The following KCNMB2 variants were observed in gnomAD, a reference collection of about 807,000 sequenced individuals.
The protein encoded by KCNMB2 is potassium calcium-activated channel subfamily M regulatory beta subunit 2.
Under a neutral mutation model 24.5 loss-of-function variants are expected in KCNMB2, and 9 were observed. That is an observed-to-expected ratio of 0.37 (90% CI 0.22 to 0.64). The LOEUF (loss-of-function observed/expected upper bound fraction) is 0.64. Among genes scored for constraint, KCNMB2 ranks in the 30% least tolerant of loss-of-function variants. The pLI, the probability that KCNMB2 is intolerant of heterozygous loss-of-function variation, is 0.63. For missense variants in KCNMB2, 226 were observed against 284.3 expected, an observed-to-expected ratio of 0.79 and a Z score of 1.47; for synonymous variants, 109 against 104.4, an observed-to-expected ratio of 1.04 and a Z score of -0.27.
At chr3:178,701,420 G>A (rs2108340493) in intron 1 of KCNMB2, among the ~76,000 whole-genome samples, 1 of 152,278 alleles carries the variant, frequency 6.6e-6, no homozygotes, top group Non-Finnish European at 1.5e-5. Flanking sequence ...CTTTGGCTTA[G>A]GATTGACTTG....
chr3:178,567,224 A>T (rs1716558675), intron 1 of KCNMB2, among the ~76,000 whole-genome samples: 1 of 152,088 alleles, frequency 6.6e-6, no homozygotes, highest in Admixed American at 6.6e-5. Context: ...CACATGTGTG[A>T]GAGCGTGTGA....
chr3:178,627,544 A>C (rs550530770), intron 1 of KCNMB2, among the ~76,000 whole-genome samples: 1 of 152,314 alleles, frequency 6.6e-6, no homozygotes, highest in Non-Finnish European at 1.5e-5. Context: ...TCACTTTCAT[A>C]ATAACATTCT....
intron 1 of KCNMB2, among the ~76,000 whole-genome samples, chr3:178,637,433 G>A (rs2108544710): frequency 6.6e-6 from 1 of 152,302 alleles, no homozygotes; most frequent in Non-Finnish European, 1.5e-5. Context: ...GGGATGGGAA[G>A]AACTGTCTTA....
chr3:178,809,756 A>G (rs1472776091), intron 2 of KCNMB2, among the ~76,000 whole-genome samples: 1 of 152,252 alleles, frequency 6.6e-6, no homozygotes, highest in Non-Finnish European at 1.5e-5. Flanking sequence ...TTAGCTTAGT[A>G]TTCTGCATCA....
In KCNMB2 at chr3:178,688,627, A is replaced by T. The variant is rs899328504; in HGVS notation, c.-67-118716A>T. Among the ~76,000 whole-genome samples, 9 of 152,316 alleles carry T rather than the reference A, an allele frequency of 5.9e-5. 1 individual carries two copies. Among genetic ancestry groups the T allele is most frequent in the African/African-American group, 2.2e-4 (9 of 41,576 alleles). On this transcript the variant is annotated intron_variant, in intron 1 of 4. Transcript: ENST00000452583. ...ATGGTTTTGTCCAATCTGCAATTTC[A>T]GGAAAAATGAAAGGACAAGCAAACA...
chr3:178,741,621 A>G (rs1723499503), intron 1 of KCNMB2, among the ~76,000 whole-genome samples: 2 of 152,140 alleles, frequency 1.3e-5, no homozygotes, highest in Non-Finnish European at 2.9e-5. Context: ...AGGGGAGGAC[A>G]TTGATCCTCT....
At chr3:178,552,224 A>C (rs1277679046) in intron 1 of KCNMB2, among the ~76,000 whole-genome samples, 1 of 152,226 alleles carries the variant, frequency 6.6e-6, no homozygotes, top group Non-Finnish European at 1.5e-5. Context: ...AGAATGATGT[A>C]ACAGCACTCC....
At chr3:178,583,910 A>C (rs1717311148) in intron 1 of KCNMB2, among the ~76,000 whole-genome samples, 1 of 152,254 alleles carries the variant, frequency 6.6e-6, no homozygotes. Flanking sequence ...AAAGTGATGC[A>C]GTAGCAGGTG....
intron 1 of KCNMB2, among the ~76,000 whole-genome samples, chr3:178,746,159 C>T (rs1254048522): frequency 6.6e-6 from 1 of 152,254 alleles, no homozygotes; most frequent in Non-Finnish European, 1.5e-5. Context: ...CTGCAGCAAA[C>T]TTCTGCCTGG....
chr3:178,614,072 T>G (rs1358789777), intron 1 of KCNMB2, among the ~76,000 whole-genome samples: 1 of 150,166 alleles, frequency 6.7e-6, no homozygotes, highest in Non-Finnish European at 1.5e-5. Context: ...TTCTGCTTGA[T>G]CTGTCCTGCT....
chr3:178,751,231 A>G (rs1723835723), intron 1 of KCNMB2, among the ~76,000 whole-genome samples: 1 of 152,196 alleles, frequency 6.6e-6, no homozygotes, highest in South Asian at 2.1e-4. Context: ...AAAGGTATAC[A>G]AAGAAATAGT....
chr3:178,678,700 A>C (rs1721156838), intron 1 of KCNMB2, among the ~76,000 whole-genome samples: 1 of 152,238 alleles, frequency 6.6e-6, no homozygotes. Context: ...AAGAACAGAA[A>C]GATATGGAAA....
intron 1 of KCNMB2, among the ~76,000 whole-genome samples, chr3:178,739,007 A>G (rs1038831831): frequency 6.6e-6 from 1 of 152,154 alleles, no homozygotes; most frequent in African/African-American, 2.4e-5. Flanking sequence ...ATAAAAATAT[A>G]TAATTTCCAG....
chr3:178,770,263 G>A (rs1003308682), intron 1 of KCNMB2, among the ~76,000 whole-genome samples: 5 of 152,152 alleles, frequency 3.3e-5, no homozygotes, highest in African/African-American at 1.2e-4. Context: ...AACAAGACAG[G>A]GCCCATATTC....
chr3:178,667,423 C>G (rs1201834775), intron 1 of KCNMB2, among the ~76,000 whole-genome samples: 1 of 152,116 alleles, frequency 6.6e-6, no homozygotes, highest in East Asian at 1.9e-4. Flanking sequence ...AGCTCACTTT[C>G]CCTTCTACCT....
intron 1 of KCNMB2, among the ~76,000 whole-genome samples, chr3:178,739,921 T>G (rs1292718304): frequency 6.6e-6 from 1 of 152,178 alleles, no homozygotes; most frequent in Non-Finnish European, 1.5e-5. Context: ...ACCCTGACAC[T>G]GTGTAGCATG....
intron 1 of KCNMB2, among the ~76,000 whole-genome samples, chr3:178,678,413 A>G (rs1275929338): frequency 6.6e-6 from 1 of 152,202 alleles, no homozygotes; most frequent in East Asian, 1.9e-4. Flanking sequence ...TTTTTATTTT[A>G]CACAGGTATA....
At chr3:178,820,067 T>C (rs1299265887) in intron 2 of KCNMB2, among the ~76,000 whole-genome samples, 1 of 152,218 alleles carries the variant, frequency 6.6e-6, no homozygotes, top group Non-Finnish European at 1.5e-5. Flanking sequence ...TTTTAAAATA[T>C]AGTCTTAAAA....
At chr3:178,727,672 C>A (rs1723008901) in intron 1 of KCNMB2, among the ~76,000 whole-genome samples, 1 of 152,054 alleles carries the variant, frequency 6.6e-6, no homozygotes, top group African/African-American at 2.4e-5. Context: ...AAAAAGTGGG[C>A]AACCTCTAGT....
Sources: allele counts gnomAD v4.1 joint callset (sites outside exome capture counted in the v4.1 genomes callset), GRCh38; gene constraint gnomAD v4.1.1; transcripts MANE v1.5; gene names NCBI Gene and HGNC (gene_info 2026-07-23, HGNC 2026-07-21).